MSRA: variants seen among roughly 807,000 people sequenced by gnomAD.
MSRA encodes methionine sulfoxide reductase A.
Under a neutral mutation model 31.3 loss-of-function variants are expected in MSRA, and 54 were observed. That is an observed-to-expected ratio of 1.73 (90% CI 1.39 to 2.17). The LOEUF (loss-of-function observed/expected upper bound fraction) is 2.17, where lower values mean the gene tolerates loss of function less well. Ranked by LOEUF, MSRA falls within the 30% of genes most tolerant of loss-of-function variation. MSRA has a pLI of 0.00. For missense variants in MSRA, 507 were observed against 300.9 expected, an observed-to-expected ratio of 1.69 and a Z score of -5.07; for synonymous variants, 169 against 116.5, an observed-to-expected ratio of 1.45 and a Z score of -2.90.
intron 5 of MSRA, among the ~76,000 whole-genome samples, chr8:10,351,333 A>G (rs925814419): frequency 3.6e-5 from 5 of 137,552 alleles, no homozygotes; most frequent in Non-Finnish European, 4.5e-5. Context: ...GGCTCACTGC[A>G]ACCTCTGCCT....
intron 5 of MSRA, among the ~76,000 whole-genome samples, chr8:10,377,329 T>C (rs566194986): frequency 9.9e-5 from 15 of 152,284 alleles, no homozygotes; most frequent in African/African-American, 2.7e-4. Context: ...AGCATCTACG[T>C]GGGACTTCTG....
At chr8:10,186,212 C>G (rs1807038647) in intron 1 of MSRA, among the ~76,000 whole-genome samples, 1 of 152,148 alleles carries the variant, frequency 6.6e-6, no homozygotes, top group African/African-American at 2.4e-5. Flanking sequence ...TGTAACCTCA[C>G]TTTGCCATCC....
chr8:10,262,920 G>A (rs781450573), intron 3 of MSRA, among the ~76,000 whole-genome samples: 23 of 152,110 alleles, frequency 1.5e-4, no homozygotes, highest in Non-Finnish European at 1.3e-4. Flanking sequence ...ATTTTTTGCC[G>A]TGTTGGTCAT....
intron 4 of MSRA, among the ~76,000 whole-genome samples, chr8:10,315,623 C>T (rs567714398): frequency 2.9e-4 from 44 of 152,308 alleles, no homozygotes; most frequent in African/African-American, 1.1e-3. Flanking sequence ...CCATGATGGA[C>T]TAGCTTTGTA....
chr8:10,107,549 A>G (rs187332466), intron 1 of MSRA, among the ~76,000 whole-genome samples: 3 of 152,188 alleles, frequency 2.0e-5, no homozygotes, highest in South Asian at 2.1e-4. Context: ...ATGCTTTTCA[A>G]TAACAGATCA....
chr8:10,133,080 T>A (rs940088804), intron 1 of MSRA, among the ~76,000 whole-genome samples: 7 of 151,906 alleles, frequency 4.6e-5, no homozygotes, highest in African/African-American at 1.7e-4. Flanking sequence ...GGGAAGGGAG[T>A]CCGCATTGGA....
chr8:10,282,714 C>T (rs1282749618), intron 3 of MSRA, among the ~76,000 whole-genome samples: 5 of 152,156 alleles, frequency 3.3e-5, no homozygotes, highest in African/African-American at 9.7e-5. Flanking sequence ...GACCTTATCA[C>T]TACCAAGTGT....
intron 5 of MSRA, among the ~76,000 whole-genome samples, chr8:10,403,653 C>T (rs1274079761): frequency 6.6e-6 from 1 of 152,228 alleles, no homozygotes; most frequent in Non-Finnish European, 1.5e-5. Context: ...CCCACAGAGG[C>T]CTGGCTCATG....
At chr8:10,337,787 T>C in intron 5 of MSRA, 1 of 702,606 alleles carries the variant, frequency 1.4e-6, no homozygotes, top group South Asian at 1.5e-5. Flanking sequence ...GGTGCAGCCA[T>C]CTTCAAGAAA....
At chr8:10,373,846 A>C (rs937171136) in intron 5 of MSRA, among the ~76,000 whole-genome samples, 7 of 152,180 alleles carry the variant, frequency 4.6e-5, no homozygotes, top group Non-Finnish European at 1.0e-4. Flanking sequence ...GAGGGCTCTG[A>C]GCAGGTGCAG....
intron 1 of MSRA, among the ~76,000 whole-genome samples, chr8:10,190,031 G>A (rs1279698732): frequency 6.6e-6 from 1 of 152,028 alleles, no homozygotes; most frequent in Non-Finnish European, 1.5e-5. Context: ...TTATTAATTT[G>A]TTGCCTCTTA....
At chr8:10,360,797 T>G (rs1363270816) in intron 5 of MSRA, among the ~76,000 whole-genome samples, 1 of 152,090 alleles carries the variant, frequency 6.6e-6, no homozygotes, top group Non-Finnish European at 1.5e-5. Context: ...CACCCTCTAG[T>G]GGGGGAGAGT....
intron 1 of MSRA, among the ~76,000 whole-genome samples, chr8:10,119,471 T>G (rs912251809): frequency 6.6e-6 from 1 of 152,210 alleles, no homozygotes; most frequent in African/African-American, 2.4e-5. Flanking sequence ...GGCTGATGAT[T>G]GAAGTCTGGA....
At chr8:10,186,251 C>G (rs1807044770) in intron 1 of MSRA, among the ~76,000 whole-genome samples, 1 of 152,116 alleles carries the variant, frequency 6.6e-6, no homozygotes, top group Non-Finnish European at 1.5e-5. Context: ...AGGACAGGGG[C>G]TGGCAAACAT....
At chr8:10,327,588 G>T (rs775783444) in intron 5 of MSRA, among the ~76,000 whole-genome samples, 1 of 152,136 alleles carries the variant, frequency 6.6e-6, no homozygotes, top group Non-Finnish European at 1.5e-5. Context: ...TTTGACTGGT[G>T]TGTGTGTTTT....
intron 2 of MSRA, among the ~76,000 whole-genome samples, chr8:10,224,104 A>G (rs1398247776): frequency 6.6e-6 from 1 of 152,210 alleles, no homozygotes; most frequent in African/African-American, 2.4e-5. Flanking sequence ...TAGAATATGT[A>G]CGTTTTATAG....
chr8:10,343,279 A>G (rs1198225915), intron 5 of MSRA, among the ~76,000 whole-genome samples: 1 of 152,178 alleles, frequency 6.6e-6, no homozygotes, highest in Non-Finnish European at 1.5e-5. Flanking sequence ...TGCCTTCACA[A>G]CAGACTGAAG....
intron 1 of MSRA, among the ~76,000 whole-genome samples, chr8:10,186,778 C>CAT (rs1237642228): frequency 6.6e-6 from 1 of 152,190 alleles, no homozygotes; most frequent in African/African-American, 2.4e-5. Flanking sequence ...CTCTGCCTAA[C>CAT]ATAACGTTAG....
chr8:10,194,570 CA>C (rs1807811771), intron 1 of MSRA, among the ~76,000 whole-genome samples: 1 of 152,064 alleles, frequency 6.6e-6, no homozygotes, highest in African/African-American at 2.4e-5. Flanking sequence ...GGAAAAAAAC[CA>C]AAAAACAATT....
Sources: gnomAD v4.1 joint callset for allele counts (sites outside exome capture counted in the v4.1 genomes callset) on GRCh38, gnomAD v4.1.1 for gene constraint, MANE v1.5 for transcripts, NCBI Gene and HGNC (gene_info 2026-07-23, HGNC 2026-07-21) for gene names.